KCNK1: variants seen among roughly 807,000 people sequenced by gnomAD.
The protein encoded by KCNK1 is potassium channel subfamily K member 1.
In KCNK1, 10 loss-of-function variants were observed where a neutral mutation model predicts 22.2. The ratio of observed to expected loss-of-function variants is 0.45; its 90% CI spans 0.28 to 0.76. The LOEUF is 0.76. KCNK1 is among the 30% of genes least tolerant of loss of function. The pLI is 0.14. For synonymous variants in KCNK1, 200 were observed against 186.4 expected (o/e 1.07, Z -0.60); for missense variants, 378 against 421.0 (o/e 0.90, Z 0.89).
intron 1 of KCNK1, among the ~76,000 whole-genome samples, chr1:233,664,719 A>G (rs1267054151): frequency 6.6e-6 from 1 of 152,210 alleles, no homozygotes; most frequent in Non-Finnish European, 1.5e-5. Context: ...ATAATCAAGG[A>G]AGCTTTTTAA....
chr1:233,648,894 A>G (rs990175500), intron 1 of KCNK1, among the ~76,000 whole-genome samples: 1 of 152,090 alleles, frequency 6.6e-6, no homozygotes, highest in Non-Finnish European at 1.5e-5. Flanking sequence ...TGCTCAAGTC[A>G]CATGTCCTTT....
chr1:233,662,637 G>A (rs1009081417), intron 1 of KCNK1, among the ~76,000 whole-genome samples: 9 of 152,154 alleles, frequency 5.9e-5, no homozygotes, highest in Non-Finnish European at 1.3e-4. Flanking sequence ...CAGATGGGAA[G>A]GCAAATTTAG....
chr1:233,635,424 C>T (rs754620788), intron 1 of KCNK1, among the ~76,000 whole-genome samples: 3 of 152,146 alleles, frequency 2.0e-5, no homozygotes, highest in Admixed American at 6.5e-5. Flanking sequence ...TGGAATCTGC[C>T]TCCAAGATCA....
intron 1 of KCNK1, among the ~76,000 whole-genome samples, chr1:233,659,015 T>G (rs1489726377): frequency 6.6e-6 from 1 of 151,964 alleles, no homozygotes; most frequent in East Asian, 1.9e-4. Flanking sequence ...TTTTCTTTCT[T>G]TAATTTATTA....
chr1:233,645,888 T>C (rs1481026839), intron 1 of KCNK1, among the ~76,000 whole-genome samples: 18 of 152,176 alleles, frequency 1.2e-4, no homozygotes, highest in Admixed American at 1.2e-3. Flanking sequence ...CAGGATGTGC[T>C]GATAGATTAG....
intron 1 of KCNK1, among the ~76,000 whole-genome samples, chr1:233,652,256 A>G (rs12143944): frequency 0.33 from 49,490 of 151,884 alleles, 9,173 homozygotes; most frequent in Admixed American, 0.43. Context: ...ATCTCAGAGT[A>G]AATTCTGGAA....
intron 1 of KCNK1, among the ~76,000 whole-genome samples, chr1:233,659,411 T>A (rs1658353210): frequency 6.7e-6 from 1 of 149,818 alleles, no homozygotes; most frequent in Non-Finnish European, 1.5e-5. Context: ...CATTTGACAT[T>A]TTTTTTATTT....
chr1:233,644,831 C>T (rs1256788614), intron 1 of KCNK1, among the ~76,000 whole-genome samples: 2 of 152,246 alleles, frequency 1.3e-5, no homozygotes, highest in South Asian at 2.1e-4. Context: ...AGTTCTGTAA[C>T]CCATTTCAAG....
intron 1 of KCNK1, among the ~76,000 whole-genome samples, chr1:233,659,631 G>A (rs1558118625): frequency 6.6e-6 from 1 of 151,858 alleles, no homozygotes. Context: ...CAGGAGGTTT[G>A]TTTACACCAG....
At chr1:233,666,120 C>T (rs1340689071) in intron 1 of KCNK1, among the ~76,000 whole-genome samples, 1 of 152,156 alleles carries the variant, frequency 6.6e-6, no homozygotes, top group Non-Finnish European at 1.5e-5. Flanking sequence ...TCAGTCATTC[C>T]TGTTAGAACA....
chr1:233,641,162 T>C (rs912968684), intron 1 of KCNK1, among the ~76,000 whole-genome samples: 5 of 152,234 alleles, frequency 3.3e-5, no homozygotes, highest in Non-Finnish European at 5.9e-5. Flanking sequence ...TAGGACACTC[T>C]GTAGGTCCTT....
chr1:233,649,962 G>C, intron 1 of KCNK1: 1 of 533,414 alleles, frequency 1.9e-6, no homozygotes, highest in Non-Finnish European at 3.8e-6. Context: ...TTTATCTCCT[G>C]ATTTGGTTAG....
intron 1 of KCNK1, among the ~76,000 whole-genome samples, chr1:233,659,622 A>G (rs1658357149): frequency 6.6e-6 from 1 of 151,904 alleles, no homozygotes; most frequent in Non-Finnish European, 1.5e-5. Flanking sequence ...ATAGCAGCGC[A>G]GGAGGTTTGT....
At chr1:233,643,885 CAAA>C (rs914981898) in intron 1 of KCNK1, among the ~76,000 whole-genome samples, 1 of 152,106 alleles carries the variant, frequency 6.6e-6, no homozygotes, top group Non-Finnish European at 1.5e-5. Context: ...CATAACAAGA[CAAA>C]AATTACCCGG....
chr1:233,642,204 C>T (rs1009726212), intron 1 of KCNK1, among the ~76,000 whole-genome samples: 4 of 152,336 alleles, frequency 2.6e-5, no homozygotes, highest in African/African-American at 9.6e-5. Context: ...TCATGCTAGT[C>T]ACTCTACCTC....
At position 233,671,353 on chromosome 1, in the gene KCNK1, A is replaced by G. The variant is rs774947416; in HGVS notation, c.834A>G (p.Lys278=). 1.4e-5 allele frequency: 23 copies of G among 1,614,044 alleles called. No individual in the cohort carries two copies. In the African/African-American group the frequency reaches 2.5e-4, roughly 18 times the overall value. The change falls in exon 3 of 3, where the codon AAA becomes AAG. Residue 278 remains lysine, a synonymous_variant. Coordinates refer to ENST00000366621, the MANE Select transcript of KCNK1 (RefSeq NM_002245.4). The part of the protein sequence containing the change: ...CELHELKKFR[K]MFYVKKDKDE... ...TCCATGAGCTGAAAAAATTCAGAAA[A>G]ATGTTCTATGTGAAGAAGGACAAGG...
At chr1:233,652,088 A>G (rs1658211129) in intron 1 of KCNK1, among the ~76,000 whole-genome samples, 1 of 152,208 alleles carries the variant, frequency 6.6e-6, no homozygotes, top group Non-Finnish European at 1.5e-5. Flanking sequence ...GGGCCAAGCA[A>G]CAATCAGGCT....
chr1:233,620,731 T>C (rs934120099), intron 1 of KCNK1, among the ~76,000 whole-genome samples: 1 of 152,220 alleles, frequency 6.6e-6, no homozygotes, highest in African/African-American at 2.4e-5. Context: ...CTAGAAGTTT[T>C]AATTATCTGG....
At chr1:233,670,109 C>CT (rs960871944) in intron 2 of KCNK1, among the ~76,000 whole-genome samples, 2 of 151,918 alleles carry the variant, frequency 1.3e-5, no homozygotes, top group Non-Finnish European at 2.9e-5. Context: ...ATTTCTGTTC[C>CT]TTTTTATGAT....
Sources: allele counts gnomAD v4.1 joint callset (sites outside exome capture counted in the v4.1 genomes callset), GRCh38; gene constraint gnomAD v4.1.1; transcripts MANE v1.5; gene names NCBI Gene and HGNC (gene_info 2026-07-23, HGNC 2026-07-21).